The following MARCHF1 variants were observed in gnomAD, a reference collection of about 807,000 sequenced individuals.
MARCHF1 encodes membrane associated ring-CH-type finger 1, also known as E3 ubiquitin-protein ligase MARCHF1.
In MARCHF1, 40 loss-of-function variants were observed where a neutral mutation model predicts 54.2. The ratio of observed to expected loss-of-function variants is 0.74; its 90% confidence interval spans 0.57 to 0.96. The LOEUF is 0.96. MARCHF1 is among the 40% of genes least tolerant of loss of function. MARCHF1 has a pLI of 0.00. For synonymous variants in MARCHF1, 236 were observed against 236.3 expected, an observed-to-expected ratio of 1.00 and a Z score of 0.01; for missense variants, 586 against 656.5, an observed-to-expected ratio of 0.89 and a Z score of 1.17.
At chr4:164,229,037 G>A (rs1244794668) in intron 1 of MARCHF1, among the ~76,000 whole-genome samples, 1 of 152,098 alleles carries the variant, frequency 6.6e-6, no homozygotes, top group Non-Finnish European at 1.5e-5. Context: ...TAAAAGAGAA[G>A]TTCCATAGAT....
intron 2 of MARCHF1, among the ~76,000 whole-genome samples, chr4:164,102,598 A>G (rs1275335986): frequency 4.0e-5 from 6 of 151,258 alleles, no homozygotes; most frequent in African/African-American, 1.2e-4. Context: ...CTGCCTTACA[A>G]GAGCTCCTGA....
At chr4:163,799,202 C>T (rs2110966707) in intron 4 of MARCHF1, among the ~76,000 whole-genome samples, 1 of 152,246 alleles carries the variant, frequency 6.6e-6, no homozygotes, top group South Asian at 2.1e-4. Context: ...AGCTCCCTAT[C>T]TGGATAGTGC....
intron 2 of MARCHF1, among the ~76,000 whole-genome samples, chr4:164,026,361 T>C (rs1333490108): frequency 1.3e-5 from 2 of 152,088 alleles, no homozygotes; most frequent in Non-Finnish European, 2.9e-5. Context: ...CAAAATCCAG[T>C]GGCACACTAA....
intron 4 of MARCHF1, among the ~76,000 whole-genome samples, chr4:163,736,429 T>C (rs7654715): frequency 0.4 from 60,776 of 151,718 alleles, 12,747 homozygotes; most frequent in Non-Finnish European, 0.47. Flanking sequence ...CTCAAAACTG[T>C]ATGCAATTTA....
intron 7 of MARCHF1, among the ~76,000 whole-genome samples, chr4:163,606,879 A>G (rs560157030): frequency 6.6e-6 from 1 of 152,208 alleles, no homozygotes; most frequent in South Asian, 2.1e-4. Flanking sequence ...TGATTGACTC[A>G]AAGATGGGTA....
chr4:164,127,311 A>G (rs937430587), intron 1 of MARCHF1, among the ~76,000 whole-genome samples: 4 of 152,152 alleles, frequency 2.6e-5, no homozygotes, highest in African/African-American at 9.7e-5. Flanking sequence ...GAAGAGAGAA[A>G]CAACTTAGAG....
intron 7 of MARCHF1, among the ~76,000 whole-genome samples, chr4:163,606,552 T>C (rs1741149166): frequency 6.6e-6 from 1 of 151,922 alleles, no homozygotes; most frequent in Non-Finnish European, 1.5e-5. Flanking sequence ...TCCTCCTTTA[T>C]AAAGGAGGAT....
chr4:164,105,662 G>A (rs78947999), intron 2 of MARCHF1, among the ~76,000 whole-genome samples: 4 of 70,480 alleles, frequency 5.7e-5, no homozygotes, highest in East Asian at 2.5e-4. Flanking sequence ...CATAAAAACC[G>A]TAGAAGAAAA....
chr4:163,789,357 G>A (rs1321452292), intron 4 of MARCHF1, among the ~76,000 whole-genome samples: 2 of 151,834 alleles, frequency 1.3e-5, no homozygotes, highest in African/African-American at 4.8e-5. Context: ...GAGGGTGGAG[G>A]GTTGGCGAAG....
intron 1 of MARCHF1, among the ~76,000 whole-genome samples, chr4:164,359,351 A>G (rs1730657881): frequency 6.6e-6 from 1 of 152,168 alleles, no homozygotes; most frequent in African/African-American, 2.4e-5. Context: ...GTTCTGAACA[A>G]ACTTCAGCAG....
intron 1 of MARCHF1, among the ~76,000 whole-genome samples, chr4:164,202,026 G>C (rs1400955947): frequency 2.6e-5 from 4 of 152,200 alleles, no homozygotes; most frequent in Admixed American, 2.6e-4. Flanking sequence ...TAGGGCTATA[G>C]TAGCGAATGA....
intron 1 of MARCHF1, among the ~76,000 whole-genome samples, chr4:164,270,362 A>C (rs1733715554): frequency 6.6e-6 from 1 of 152,160 alleles, no homozygotes; most frequent in South Asian, 2.1e-4. Flanking sequence ...CTTCACTCCC[A>C]ATTCCCCACC....
intron 3 of MARCHF1, among the ~76,000 whole-genome samples, chr4:163,931,431 C>A (rs761071858): frequency 2.0e-5 from 3 of 151,976 alleles, no homozygotes; most frequent in Non-Finnish European, 2.9e-5. Context: ...GAGGGTAGAG[C>A]CCTGATGAAT....
At chr4:164,192,343 G>T (rs192850441) in intron 1 of MARCHF1, among the ~76,000 whole-genome samples, 1 of 146,726 alleles carries the variant, frequency 6.8e-6, no homozygotes, top group East Asian at 2.0e-4. Flanking sequence ...AAGTTTAGGA[G>T]AATTTAGTTT....
intron 5 of MARCHF1, among the ~76,000 whole-genome samples, chr4:163,679,205 T>A (rs56306711): frequency 2.6e-5 from 4 of 152,148 alleles, no homozygotes; most frequent in Non-Finnish European, 5.9e-5. Context: ...CTGGACCTCA[T>A]GTTTGAACTG....
chr4:163,587,967 T>C (rs968773518), intron 7 of MARCHF1, among the ~76,000 whole-genome samples: 4 of 152,066 alleles, frequency 2.6e-5, no homozygotes, highest in African/African-American at 4.8e-5. Flanking sequence ...GGAAATGAAA[T>C]GGCTGCTCAC....
At chr4:164,055,499 G>A (rs1754470802) in intron 2 of MARCHF1, among the ~76,000 whole-genome samples, 1 of 151,502 alleles carries the variant, frequency 6.6e-6, no homozygotes, top group Non-Finnish European at 1.5e-5. Flanking sequence ...GAACGATCAA[G>A]GATGTCCTGA....
chr4:163,917,057 G>T (rs549366562), intron 3 of MARCHF1, among the ~76,000 whole-genome samples: 19 of 152,192 alleles, frequency 1.2e-4, no homozygotes, highest in Non-Finnish European at 2.4e-4. Flanking sequence ...TATCTCCATA[G>T]TTTTGCTGTT....
chr4:163,695,903 C>T (rs1408857691), intron 5 of MARCHF1, among the ~76,000 whole-genome samples: 1 of 151,948 alleles, frequency 6.6e-6, no homozygotes, highest in East Asian at 1.9e-4. Flanking sequence ...TGTTAAAAAG[C>T]AGTAACAAGC....
Sources: allele counts gnomAD v4.1 joint callset (sites outside exome capture counted in the v4.1 genomes callset), GRCh38; gene constraint gnomAD v4.1.1; transcripts MANE v1.5; gene names NCBI Gene and HGNC (gene_info 2026-07-23, HGNC 2026-07-21).